Variants in PPFIA2 observed in about 807,000 individuals in gnomAD.
PPFIA2 encodes PPFI scaffold protein A2.
PPFIA2 carries 46 observed loss-of-function variants against 175.5 expected under a neutral mutation model. That is an observed-to-expected ratio of 0.26 (90% CI 0.21 to 0.34). The LOEUF (loss-of-function observed/expected upper bound fraction) is 0.34, where lower values mean the gene tolerates loss of function less well. Ranked by LOEUF, PPFIA2 falls within the 10% of genes least tolerant of loss-of-function variation. The pLI is 1.00. For missense variants in PPFIA2, 1,179 were observed against 1,506.1 expected, an observed-to-expected ratio of 0.78 and a Z score of 3.60; for synonymous variants, 568 against 511.4, an observed-to-expected ratio of 1.11 and a Z score of -1.49.
intron 9 of PPFIA2, among the ~76,000 whole-genome samples, chr12:81,380,962 C>CTG (rs71098139): frequency 0.055 from 7,546 of 137,402 alleles, 243 homozygotes; most frequent in African/African-American, 0.094. Context: ...TTTCACAGTG[C>CTG]TGTGTGTGTG....
At position 81,347,781 on chromosome 12, in the gene PPFIA2, C is replaced by T. The variant is rs751434262; in HGVS notation, c.1995-11G>A. 6.2e-7 allele frequency: 1 copy of T among 1,612,868 alleles called. No homozygotes were observed. Among genetic ancestry groups the T allele is most frequent in the African/African-American group, 1.3e-5 (1 of 74,770 alleles). On this transcript the variant is annotated splice_polypyrimidine_tract_variant and intron_variant, in intron 17 of 32. Coordinates refer to ENST00000549396, the MANE Select transcript of PPFIA2 (RefSeq NM_003625.5). ...TCTTCCTGAATTAGCCTGAAAGATA[C>T]AGTTTAATTATGATCCATATATAAT...
rs1161932344 is a variant in PPFIA2, at chr12:81,422,102, GTATATATA to G, written c.646-16207_646-16200del. 4.1e-5 allele frequency among the ~76,000 whole-genome samples: 6 copies of G among 145,464 alleles called. 1 individual carries two copies. Among genetic ancestry groups the G allele is most frequent in the African/African-American group, 1.5e-4 (6 of 38,878 alleles). On this transcript the variant is annotated intron_variant, in intron 7 of 32. Transcript: ENST00000549396. ...TATATATATGTGTATATATATGTGTGTATATATATGTGTATATATATGTGTGTATATAT... is the reference window on the plus strand; with the variant it reads ...TATATATATGTGTATATATATGTGTGTGTGTATATATATGTGTGTATATAT...
intron 4 of PPFIA2, among the ~76,000 whole-genome samples, chr12:81,619,649 T>G (rs1197486871): frequency 2.6e-5 from 4 of 152,256 alleles, no homozygotes; most frequent in African/African-American, 9.6e-5. Flanking sequence ...AAGATCTTCA[T>G]TATTTTTGCA....
intron 16 of PPFIA2, among the ~76,000 whole-genome samples, chr12:81,357,098 A>T (rs1396229413): frequency 6.6e-6 from 1 of 152,194 alleles, no homozygotes; most frequent in African/African-American, 2.4e-5. Context: ...GGAAGACCAC[A>T]TGATACTTCC....
intron 4 of PPFIA2, among the ~76,000 whole-genome samples, chr12:81,604,558 A>T (rs898645134): frequency 2.0e-5 from 3 of 151,210 alleles, no homozygotes; most frequent in Non-Finnish European, 3.0e-5. Flanking sequence ...TCTTAGTTTG[A>T]TTGCTTTCAA....
At chr12:81,572,283 C>T (rs776289646) in intron 4 of PPFIA2, among the ~76,000 whole-genome samples, 1 of 151,970 alleles carries the variant, frequency 6.6e-6, no homozygotes, top group African/African-American at 2.4e-5. Context: ...GTCAAGTTCT[C>T]AGTAAGCCTT....
chr12:81,429,626 C>T lies in PPFIA2; in HGVS notation c.645+10346G>A, dbSNP rs79189386. 1.2e-3 allele frequency among the ~76,000 whole-genome samples: 175 copies of T among 152,096 alleles called. 2 individuals carry two copies. Among genetic ancestry groups the T allele is most frequent in the African/African-American group, 4.1e-3 (170 of 41,516 alleles). ...AACTACTCATGGATTTCAGAAGTTC[C>T]CTAATTTTTACCCGTGTCAAATTTT... is the stretch of plus-strand genomic sequence containing the variant. On this transcript the variant is annotated intron_variant, in intron 7 of 32. Coordinates refer to ENST00000549396, the MANE Select transcript of PPFIA2 (RefSeq NM_003625.5).
intron 4 of PPFIA2, among the ~76,000 whole-genome samples, chr12:81,643,938 A>G (rs992977112): frequency 6.6e-6 from 1 of 151,986 alleles, no homozygotes; most frequent in African/African-American, 2.4e-5. Flanking sequence ...AGGAATAGCA[A>G]CAAACTTTTC....
rs1317475642 is a variant in PPFIA2, at chr12:81,517,843, TTC to T, written c.304-59979_304-59978del. Among the ~76,000 whole-genome samples, 5 of 151,732 alleles carry T rather than the reference TTC, an allele frequency of 3.3e-5. No individual in the cohort carries two copies. In the East Asian group the frequency reaches 9.8e-4, roughly 30 times the overall value. On this transcript the variant is annotated intron_variant, in intron 4 of 32. Coordinates refer to ENST00000549396, the MANE Select transcript of PPFIA2 (RefSeq NM_003625.5). ...ATTACCACATACAAGCTATTAGCCT[TTC>T]TCTTTCCTGAAAACATACAGTTTTG...
chr12:81,281,154 T>C (rs537603576), intron 27 of PPFIA2, 103 bp downstream of exon 27: 131 of 879,474 alleles, frequency 1.5e-4, no homozygotes, highest in Non-Finnish European at 1.9e-4. Flanking sequence ...AAATGACATA[T>C]ATTTTCTGTC....
At chr12:81,701,842 T>C (rs2076512035) in intron 3 of PPFIA2, among the ~76,000 whole-genome samples, 1 of 146,450 alleles carries the variant, frequency 6.8e-6, no homozygotes, top group African/African-American at 2.5e-5. Context: ...ACTGTTCTGA[T>C]GAACCCCGAA....
chr12:81,359,882 T>C (rs1439889610), intron 15 of PPFIA2, among the ~76,000 whole-genome samples: 1 of 151,970 alleles, frequency 6.6e-6, no homozygotes, highest in African/African-American at 2.4e-5. Context: ...AAAGGCCCTC[T>C]ATAACTTGGG....
chr12:81,419,981 T>C (rs926642737), intron 7 of PPFIA2, among the ~76,000 whole-genome samples: 1 of 152,152 alleles, frequency 6.6e-6, no homozygotes, highest in African/African-American at 2.4e-5. Context: ...CTGGGGACCC[T>C]GCAAGTCATT....
rs1469740473 is a variant in PPFIA2 at position 81,439,785 on chromosome 12, G to A, written c.645+187C>T. 5.5e-5 allele frequency: 31 copies of A among 568,180 alleles called. No individual in the cohort carries two copies. In the East Asian group the frequency reaches 1.0e-3, roughly 19 times the overall value. The allele number at this position is 568,180 out of a possible 1,614,324, so 35.2% of individuals were successfully genotyped here. Reference sequence around the variant, plus strand: ...GATAATTTTCCTTTGGTCTAGTAGTGACACATATAAATAACCAAAAATCAG... The same window carrying A: ...GATAATTTTCCTTTGGTCTAGTAGTAACACATATAAATAACCAAAAATCAG... On this transcript the variant is annotated intron_variant, in intron 7 of 32. Coordinates refer to ENST00000549396, the MANE Select transcript of PPFIA2 (RefSeq NM_003625.5).
At chr12:81,588,284 T>C (rs1367282362) in intron 4 of PPFIA2, among the ~76,000 whole-genome samples, 1 of 151,970 alleles carries the variant, frequency 6.6e-6, no homozygotes, top group East Asian at 1.9e-4. Context: ...AGGGGTAATA[T>C]TCAAGGAGGG....
intron 3 of PPFIA2, among the ~76,000 whole-genome samples, chr12:81,679,833 T>C (rs1272988759): frequency 6.6e-6 from 1 of 151,946 alleles, no homozygotes; most frequent in African/African-American, 2.4e-5. Flanking sequence ...TTTTCTCAGG[T>C]GTGCATAATG....
At chr12:81,705,500 G>C (rs542786116) in intron 3 of PPFIA2, among the ~76,000 whole-genome samples, 11 of 149,630 alleles carry the variant, frequency 7.4e-5, no homozygotes, top group African/African-American at 2.7e-4. Flanking sequence ...GGAAGATACA[G>C]TACCTACTCA....
intron 4 of PPFIA2, among the ~76,000 whole-genome samples, chr12:81,667,207 C>G (rs1225095437): frequency 3.3e-5 from 5 of 152,108 alleles, no homozygotes; most frequent in Non-Finnish European, 7.4e-5. Context: ...TCCCCTCAGA[C>G]TTTTCACTGT....
chr12:81,389,621 A>T (rs993848398), intron 8 of PPFIA2, among the ~76,000 whole-genome samples: 2 of 152,090 alleles, frequency 1.3e-5, no homozygotes, highest in Non-Finnish European at 2.9e-5. Context: ...TGTGTGTCTT[A>T]ATAATATCAG....
Sources: allele counts gnomAD v4.1 joint callset (sites outside exome capture counted in the v4.1 genomes callset), GRCh38; gene constraint gnomAD v4.1.1; transcripts MANE v1.5; gene names NCBI Gene and HGNC (gene_info 2026-07-23, HGNC 2026-07-21).